The following GALNT1 variants were observed in gnomAD, a reference collection of about 807,000 sequenced individuals.
The protein encoded by GALNT1 is GalNAc transferase 1.
Under a neutral mutation model 65.7 loss-of-function variants are expected in GALNT1, and 17 were observed. That is an observed-to-expected ratio of 0.26 (90% CI 0.18 to 0.39). GALNT1 has a LOEUF of 0.39. GALNT1 is among the 10% of genes least tolerant of loss of function. The probability of loss-of-function intolerance (pLI) is 1.00; values close to 1 mark genes in which losing one functional copy is unlikely to be tolerated. For synonymous variants in GALNT1, 210 were observed against 219.7 expected, an observed-to-expected ratio of 0.96 and a Z score of 0.39; for missense variants, 460 against 672.8, an observed-to-expected ratio of 0.68 and a Z score of 3.50.
At chr18:35,705,942 G>A (rs1172729982) in intron 11 of GALNT1, among the ~76,000 whole-genome samples, 1 of 152,100 alleles carries the variant, frequency 6.6e-6, no homozygotes, top group Admixed American at 6.5e-5. Context: ...ACTACCACAT[G>A]TGTTGCTCTT....
At chr18:35,622,827 G>A (rs2046871048) in intron 1 of GALNT1, among the ~76,000 whole-genome samples, 2 of 152,110 alleles carry the variant, frequency 1.3e-5, no homozygotes, top group Middle Eastern at 3.4e-3. Context: ...AACAGTAAGT[G>A]AGTTGTTTTT....
chr18:35,708,292 A>T (rs2048299043), intron 11 of GALNT1, among the ~76,000 whole-genome samples: 1 of 152,210 alleles, frequency 6.6e-6, no homozygotes, highest in African/African-American at 2.4e-5. Context: ...TCTAGGTTCT[A>T]GTCTTATATT....
chr18:35,652,294 TATCTC>T lies in GALNT1; in HGVS notation c.-103-2264_-103-2260del, dbSNP rs747269096. 9.2e-5 allele frequency among the ~76,000 whole-genome samples: 14 copies of T among 152,308 alleles called. No individual in the cohort carries two copies. The East Asian group carries it at 2.5e-3, about 27-fold the overall frequency. On this transcript the variant is annotated intron_variant, in intron 1 of 11. Coordinates refer to ENST00000269195, the MANE Select transcript of GALNT1 (RefSeq NM_020474.4). ...AACCCTGTGGACATTCTTTCTTTGT[TATCTC>T]AGCCTCATAGAGGGTCTAACATTGT... is the stretch of plus-strand genomic sequence containing the variant.
intron 1 of GALNT1, among the ~76,000 whole-genome samples, chr18:35,648,325 G>T (rs1284035072): frequency 6.6e-6 from 1 of 152,152 alleles, no homozygotes; most frequent in Non-Finnish European, 1.5e-5. Context: ...AGATGATTTT[G>T]CACAACTATA....
At chr18:35,591,392 CTTAGAA>C (rs1186533137) in intron 1 of GALNT1, among the ~76,000 whole-genome samples, 1 of 152,196 alleles carries the variant, frequency 6.6e-6, no homozygotes, top group Non-Finnish European at 1.5e-5. Flanking sequence ...TAAATCACAA[CTTAGAA>C]TATCTCTGGC....
At chr18:35,613,805 C>T (rs1450754356) in intron 1 of GALNT1, among the ~76,000 whole-genome samples, 1 of 151,816 alleles carries the variant, frequency 6.6e-6, no homozygotes, top group Admixed American at 6.6e-5. Context: ...TAACCTTCCC[C>T]GAAAAATTAT....
Position 35,687,150 on chromosome 18 carries a change from T to C in GALNT1, c.824T>C (p.Met275Thr). The C allele has an allele frequency of 6.2e-7, 1 of 1,613,832 alleles. No individual in the cohort carries two copies. The highest frequency in any genetic ancestry group is 8.5e-7 in the Non-Finnish European group (1 of 1,179,832). Residue 275 changes from methionine to threonine, a missense_variant, in exon 6 of 12, where the codon ATG becomes ACG. Coordinates refer to ENST00000269195, the MANE Select transcript of GALNT1 (RefSeq NM_020474.4). ...TGGTATCCTGTTCCCCAAAGAGAAA[T>C]GGACAGAAGGAAAGGTGATCGGACT... ...FRWYPVPQREMDRRKGDRTLP... is the reference protein window; with the variant it reads ...FRWYPVPQRETDRRKGDRTLP...
At chr18:35,589,305 G>A (rs567387465) in intron 1 of GALNT1, among the ~76,000 whole-genome samples, 1 of 152,318 alleles carries the variant, frequency 6.6e-6, no homozygotes, top group South Asian at 2.1e-4. Context: ...CCACCCTGGT[G>A]TGTGGGAAGT....
At chr18:35,690,660 C>T (rs2047946524) in intron 7 of GALNT1, among the ~76,000 whole-genome samples, 1 of 151,980 alleles carries the variant, frequency 6.6e-6, no homozygotes, top group Non-Finnish European at 1.5e-5. Context: ...TGATCAGAAC[C>T]CAAATTAGAG....
Position 35,703,628 on chromosome 18 carries a change from G to A in GALNT1, c.1518G>A (p.Trp506Ter), listed in dbSNP as rs2048205033. The A allele has an allele frequency of 6.2e-7, 1 of 1,613,764 alleles. No homozygotes were observed. Among genetic ancestry groups the A allele is most frequent in the South Asian group, 1.1e-5 (1 of 91,062 alleles). ...ACCACCTAAAAGGCAACCAACTCTGGGAGTATGACCCAGTGGTAAGTTATG... is the reference window on the plus strand; with the variant it reads ...ACCACCTAAAAGGCAACCAACTCTGAGAGTATGACCCAGTGGTAAGTTATG... Reference protein sequence around the residue: ...KCHHLKGNQLWEYDPVKLTLQ... With the variant: ...KCHHLKGNQL The change falls in exon 11 of 12, where the codon TGG becomes TGA. Residue 506 changes from tryptophan to a stop codon, truncating the protein, a stop_gained. Transcript: ENST00000269195. LOFTEE classifies it high-confidence loss of function.
At chr18:35,612,945 T>A (rs879486262) in intron 1 of GALNT1, among the ~76,000 whole-genome samples, 22 of 152,122 alleles carry the variant, frequency 1.4e-4, no homozygotes, top group Non-Finnish European at 2.8e-4. Flanking sequence ...TTTCTTAAAA[T>A]TTTATGTTTA....
At chr18:35,676,212 G>A (rs926669273) in intron 3 of GALNT1, among the ~76,000 whole-genome samples, 8 of 152,114 alleles carry the variant, frequency 5.3e-5, no homozygotes, top group African/African-American at 1.9e-4. Context: ...TGAGGCTGTG[G>A]ATTTTCTGGA....
At position 35,711,112 on chromosome 18, in the gene GALNT1, T is replaced by A. The variant is rs1188083216; in HGVS notation, c.*1342T>A. On this transcript the variant is annotated 3_prime_UTR_variant, in exon 12 of 12. Coordinates refer to ENST00000269195, the MANE Select transcript of GALNT1 (RefSeq NM_020474.4). The stretch of plus-strand genomic sequence containing the variant: ...AAATCAGTTTTATTTTTCTCTGATT[T>A]TTTTTAATACCACAGAATCACCTGA... 6.6e-6 allele frequency: 1 copy of A among 152,470 alleles called. No individual in the cohort carries two copies. The highest frequency in any genetic ancestry group is 1.5e-5 in the Non-Finnish European group (1 of 68,034). The allele number at this position is 152,470 out of a possible 1,614,324, so 9.4% of individuals were successfully genotyped here. A position where few individuals can be genotyped will look rare whatever the true frequency, so the allele number is the denominator to read the frequency against.
chr18:35,624,949 A>C (rs532519755), intron 1 of GALNT1, among the ~76,000 whole-genome samples: 96 of 152,294 alleles, frequency 6.3e-4, no homozygotes, highest in Non-Finnish European at 6.2e-4. Flanking sequence ...AAGCCACATA[A>C]AGTTCCTGTC....
intron 2 of GALNT1, among the ~76,000 whole-genome samples, chr18:35,660,319 T>C (rs895124140): frequency 7.9e-5 from 12 of 152,150 alleles, no homozygotes; most frequent in Admixed American, 2.0e-4. Context: ...GTGGTTTGTG[T>C]ATGTTAATCT....
chr18:35,648,384 A>T (rs776860069), intron 1 of GALNT1, among the ~76,000 whole-genome samples: 1 of 152,208 alleles, frequency 6.6e-6, no homozygotes, highest in African/African-American at 2.4e-5. Context: ...AGGCTAAGCT[A>T]TAATGTTCTG....
At chr18:35,701,378 G>A (rs111732031) in intron 9 of GALNT1, among the ~76,000 whole-genome samples, 19 of 152,288 alleles carry the variant, frequency 1.2e-4, no homozygotes, top group East Asian at 7.7e-4. Context: ...CAATCTGAGC[G>A]AAATTCTTTT....
intron 1 of GALNT1, among the ~76,000 whole-genome samples, chr18:35,607,204 C>T (rs892541510): frequency 1.3e-4 from 20 of 152,074 alleles, no homozygotes; most frequent in South Asian, 4.2e-4. Flanking sequence ...CATTATCATT[C>T]GTAGGCAGTT....
chr18:35,625,799 T>TG (rs1366604390), intron 1 of GALNT1, among the ~76,000 whole-genome samples: 1 of 152,172 alleles, frequency 6.6e-6, no homozygotes, highest in African/African-American at 2.4e-5. Flanking sequence ...GGCAGAAAGA[T>TG]GCATATTTTG....
Sources: allele counts gnomAD v4.1 joint callset (sites outside exome capture counted in the v4.1 genomes callset), GRCh38; gene constraint gnomAD v4.1.1; transcripts MANE v1.5; gene names NCBI Gene and HGNC (gene_info 2026-07-23, HGNC 2026-07-21).